Variants in ARFGEF2 observed in about 807,000 individuals in gnomAD.
ARFGEF2 encodes the protein brefeldin A-inhibited guanine nucleotide-exchange protein 2.
A neutral mutation model predicts 219.9 loss-of-function variants in ARFGEF2; 74 were observed. That is an observed-to-expected ratio of 0.34 (90% CI 0.28 to 0.41). The LOEUF (loss-of-function observed/expected upper bound fraction) is 0.41. Among genes scored for constraint, ARFGEF2 ranks in the 10% least tolerant of loss-of-function variants. ARFGEF2 has a pLI of 1.00. For missense variants in ARFGEF2, 1,743 were observed against 2,218.3 expected (o/e 0.79, Z 4.30); for synonymous variants, 733 against 799.2 (o/e 0.92, Z 1.40).
At chr20:48,936,070 C>T (rs1462706320) in intron 1 of ARFGEF2, among the ~76,000 whole-genome samples, 2 of 122,864 alleles carry the variant, frequency 1.6e-5, no homozygotes, top group African/African-American at 3.2e-5. Flanking sequence ...CTGGCCGGGC[C>T]GGGGGCTGAA....
chr20:48,942,174 A>T (rs1317303971), intron 3 of ARFGEF2, among the ~76,000 whole-genome samples, 187 bp downstream of exon 3: 2 of 152,210 alleles, frequency 1.3e-5, no homozygotes, highest in Non-Finnish European at 2.9e-5. Flanking sequence ...TGAGCTCTTT[A>T]GCTTAAAACC....
rs2091183931 is a variant in ARFGEF2, at chr20:48,965,875, C to T, written c.911C>T (p.Ala304Val). The T allele has an allele frequency of 1.2e-6, 2 of 1,614,008 alleles. No individual in the cohort carries two copies. The highest frequency in any genetic ancestry group is 1.7e-6 in the Non-Finnish European group (2 of 1,180,016). Residue 304 changes from alanine to valine, a missense_variant, in exon 8 of 39, where the codon GCA (alanine) becomes GTA (valine). Physicochemically the swap from Ala to Val is moderately conservative, Grantham distance 64. Transcript: ENST00000371917. The stretch of plus-strand genomic sequence containing the variant: ...GACTTTGTACTTGTGTTTTAAGAAG[C>T]AGCGGAAAAGCATGGTCTGACAGAA... Reference protein sequence around the residue: ...EDVVTSAIKEAAEKHGLTEPE... With the variant: ...EDVVTSAIKEVAEKHGLTEPE...
At chr20:48,952,229 C>T (rs759002457) in intron 4 of ARFGEF2, among the ~76,000 whole-genome samples, 5 of 141,988 alleles carry the variant, frequency 3.5e-5, no homozygotes, top group Non-Finnish European at 7.5e-5. Context: ...AATCTCGGCT[C>T]GCTGCAAACT....
intron 12 of ARFGEF2, among the ~76,000 whole-genome samples, chr20:48,973,631 GA>G (rs1215461330): frequency 6.6e-5 from 10 of 152,166 alleles, no homozygotes; most frequent in Non-Finnish European, 1.3e-4. Flanking sequence ...AGATAGCGTG[GA>G]AAACAGGATC....
chr20:48,921,850 G>C lies in ARFGEF2; in HGVS notation c.-40G>C. The C allele has an allele frequency of 6.7e-7, 1 of 1,494,358 alleles. No homozygotes were observed. 92.6% of individuals were successfully genotyped at this position (1,494,358 alleles called of 1,614,324 possible). On this transcript the variant is annotated 5_prime_UTR_variant, in exon 1 of 39. Transcript: ENST00000371917. ...CCTAGCTCGCCATCTCGCTCACGCC[G>C]CCCGCCCGCGGGGCCGTCAGCCCCC...
At chr20:48,922,334 C>A (rs534384337) in intron 1 of ARFGEF2, among the ~76,000 whole-genome samples, 7 of 152,324 alleles carry the variant, frequency 4.6e-5, no homozygotes, top group Admixed American at 4.6e-4. Flanking sequence ...AGCCCTTGCC[C>A]CAAGTTTTTT....
rs1159302019 is a variant in ARFGEF2, at chr20:48,972,411, C to G, written c.1511C>G (p.Thr504Arg). ...EHRWMVIQTL[T>R]RICADAQCVV... ...AGGTGGATGGTCATTCAGACTCTGA[C>G]GAGGATCTGTGCAGGTATTTCCACC... Residue 504 changes from threonine (T) to arginine (R), a missense_variant, in exon 11 of 39, where the codon ACG (threonine) becomes AGG (arginine). Coordinates refer to ENST00000371917, the MANE Select transcript of ARFGEF2 (RefSeq NM_006420.3). The G allele has an allele frequency of 6.2e-7, 1 of 1,613,400 alleles. No homozygotes were observed. The highest frequency in any genetic ancestry group is 1.3e-5 in the African/African-American group (1 of 74,912).
chr20:48,977,712 T>C (rs1393040803), intron 14 of ARFGEF2, among the ~76,000 whole-genome samples: 2 of 152,242 alleles, frequency 1.3e-5, no homozygotes, highest in African/African-American at 4.8e-5. Flanking sequence ...TGGATTTGCA[T>C]TTCTCTTACG....
chr20:48,951,249 T>C, intron 3 of ARFGEF2, 74 bp from the exon 4 acceptor site: 1 of 1,575,280 alleles, frequency 6.3e-7, no homozygotes, highest in Non-Finnish European at 8.7e-7. Context: ...TGTCTTTTGC[T>C]CTTGTGGGCT....
chr20:48,947,473 G>A (rs1238946066), intron 3 of ARFGEF2, among the ~76,000 whole-genome samples: 1 of 152,144 alleles, frequency 6.6e-6, no homozygotes, highest in Non-Finnish European at 1.5e-5. Context: ...GGAGGCCAAG[G>A]TGGAAGGATT....
chr20:48,994,344 C>A, intron 21 of ARFGEF2, 107 bp from the exon 22 acceptor site: 1 of 1,328,744 alleles, frequency 7.5e-7, no homozygotes, highest in Non-Finnish European at 1.1e-6. Context: ...ATCTATATGG[C>A]ATAACTCCAT....
intron 26 of ARFGEF2, 79 bp from the exon 27 acceptor site, chr20:49,010,153 T>C: frequency 6.5e-7 from 1 of 1,528,720 alleles, no homozygotes; most frequent in South Asian, 1.2e-5. Flanking sequence ...TAAGTGCTGC[T>C]TCTAAGGGAT....
At chr20:48,950,245 G>A (rs1347295007) in intron 3 of ARFGEF2, among the ~76,000 whole-genome samples, 2 of 152,118 alleles carry the variant, frequency 1.3e-5, no homozygotes, top group Non-Finnish European at 2.9e-5. Flanking sequence ...GGTGTGAAAT[G>A]CAGATGAAGT....
At chr20:49,023,420 C>T (rs1196759043) in intron 35 of ARFGEF2, among the ~76,000 whole-genome samples, 1 of 152,114 alleles carries the variant, frequency 6.6e-6, no homozygotes, top group Non-Finnish European at 1.5e-5. Context: ...TGTATATACC[C>T]CAGAGAGTGA....
chr20:48,962,946 C>T (rs778215469), intron 6 of ARFGEF2, among the ~76,000 whole-genome samples: 2 of 151,980 alleles, frequency 1.3e-5, no homozygotes, highest in Non-Finnish European at 2.9e-5. Flanking sequence ...CAATGGCTCA[C>T]GCTTGTAATC....
At chr20:49,024,738 G>A (rs1408101887) in intron 35 of ARFGEF2, among the ~76,000 whole-genome samples, 30 of 152,132 alleles carry the variant, frequency 2.0e-4, no homozygotes, top group South Asian at 2.1e-4. Context: ...AGTGGCTCAC[G>A]CCTGTAATCC....
At chr20:48,958,956 G>A (rs1009510298) in intron 6 of ARFGEF2, among the ~76,000 whole-genome samples, 1 of 152,206 alleles carries the variant, frequency 6.6e-6, no homozygotes, top group African/African-American at 2.4e-5. Context: ...GAAGAGGGCA[G>A]CTTCACCTGG....
In ARFGEF2 at chr20:49,033,046, C is replaced by T. The variant is rs534778003; in HGVS notation, c.5205C>T (p.Tyr1735=). The T allele has an allele frequency of 3.1e-6, 5 of 1,614,040 alleles. No homozygotes were observed. The highest frequency in any genetic ancestry group is 2.2e-5 in the South Asian group (2 of 91,082). The change falls in exon 39 of 39, where the codon TAC becomes TAT. Residue 1735 remains tyrosine (Y), a synonymous_variant. Coordinates refer to ENST00000371917, the MANE Select transcript of ARFGEF2 (RefSeq NM_006420.3). ...AGTTCAAAGCACATGCTTCAATGTA[C>T]TACCCCTACTTGTGTGAAATTATGC... is the stretch of plus-strand genomic sequence containing the variant. The part of the protein sequence containing the change: ...DEKFKAHASM[Y]YPYLCEIMQF...
intron 37 of ARFGEF2, among the ~76,000 whole-genome samples, chr20:49,031,730 C>T (rs539556009): frequency 2.6e-5 from 4 of 152,000 alleles, no homozygotes; most frequent in South Asian, 2.1e-4. Context: ...GCCTGGGCAA[C>T]GTGGTGAAAC....
Sources: allele counts gnomAD v4.1 joint callset (sites outside exome capture counted in the v4.1 genomes callset), GRCh38; gene constraint gnomAD v4.1.1; transcripts MANE v1.5; gene names NCBI Gene and HGNC (gene_info 2026-07-23, HGNC 2026-07-21).